The following CD1B variants were observed in gnomAD, a reference collection of about 807,000 sequenced individuals.
CD1B encodes the protein CD1b molecule, also known as T-cell surface glycoprotein CD1b.
A neutral mutation model predicts 39.8 loss-of-function variants in CD1B; 43 were observed. The observed-to-expected ratio is 1.08, with a 90% CI of 0.85 to 1.39. The LOEUF is 1.39. CD1B is among the 40% of genes most tolerant of loss of function. CD1B has a pLI of 0.00. For missense variants in CD1B, 495 were observed against 403.8 expected, an observed-to-expected ratio of 1.23 and a Z score of -1.94; for synonymous variants, 192 against 152.5, an observed-to-expected ratio of 1.26 and a Z score of -1.91.
chr1:158,288,066 A>G, the CD1B span, among the ~76,000 whole-genome samples: 1 of 152,248 alleles, frequency 6.6e-6, no homozygotes, highest in Non-Finnish European at 1.5e-5. Context: ...AAAAATGTGA[A>G]TAAACACATA....
At chr1:158,313,468 T>G in the CD1B span, among the ~76,000 whole-genome samples, 1,874 of 152,062 alleles carry the variant, frequency 0.012, 38 homozygotes, top group African/African-American at 0.04. Context: ...CCACCACCAT[T>G]TTTGGCTAAT....
At chr1:158,305,059 C>T in the CD1B span, among the ~76,000 whole-genome samples, 2 of 152,184 alleles carry the variant, frequency 1.3e-5, no homozygotes, top group African/African-American at 4.8e-5. Flanking sequence ...CGCAGCTCCT[C>T]ACCAGCAGTG....
chr1:158,307,998 G>A, the CD1B span, among the ~76,000 whole-genome samples: 36 of 152,282 alleles, frequency 2.4e-4, no homozygotes, highest in African/African-American at 8.7e-4. Context: ...AATTAGGCAG[G>A]AGAAGGAAAT....
the CD1B span, among the ~76,000 whole-genome samples, chr1:158,309,341 G>T: frequency 6.6e-6 from 1 of 152,218 alleles, no homozygotes; most frequent in Non-Finnish European, 1.5e-5. Flanking sequence ...AAGAGGTGTG[G>T]AGAGGATGTG....
the CD1B span, among the ~76,000 whole-genome samples, chr1:158,318,349 G>C: frequency 6.6e-6 from 1 of 152,186 alleles, no homozygotes; most frequent in Non-Finnish European, 1.5e-5. Flanking sequence ...GGGTGCTCCT[G>C]TATTGGGTGC....
chr1:158,322,666 T>C, the CD1B span, among the ~76,000 whole-genome samples: 1 of 152,216 alleles, frequency 6.6e-6, no homozygotes, highest in Non-Finnish European at 1.5e-5. Context: ...CTTCCTTTGT[T>C]ATTTCTTGTA....
chr1:158,329,778 C>T (rs1336861760), intron 3 of CD1B, 74 bp downstream of exon 3: 40 of 1,563,974 alleles, frequency 2.6e-5, no homozygotes, highest in Middle Eastern at 3.5e-4. Flanking sequence ...GTTATTTAAG[C>T]TCCTATCCTT....
intron 2 of CD1B, 85 bp downstream of exon 2, chr1:158,330,711 G>A: frequency 1.5e-6 from 2 of 1,314,010 alleles, no homozygotes; most frequent in Non-Finnish European, 1.1e-6. Context: ...AAGGAAGGGA[G>A]AAGCATCAGA....
chr1:158,291,648 G>T, the CD1B span, among the ~76,000 whole-genome samples: 1 of 151,980 alleles, frequency 6.6e-6, no homozygotes, highest in African/African-American at 2.4e-5. Context: ...CTACAATCCA[G>T]AGATACACAG....
the CD1B span, chr1:158,290,174 G>T: frequency 6.5e-7 from 1 of 1,543,750 alleles, no homozygotes; most frequent in Non-Finnish European, 8.9e-7. Flanking sequence ...TGGGTAGAGT[G>T]TGCTGGGCTT....
At chr1:158,292,479 G>T in the CD1B span, 2 of 1,489,540 alleles carry the variant, frequency 1.3e-6, no homozygotes, top group East Asian at 2.3e-5. Flanking sequence ...GGGTTGCTGG[G>T]TAATAGTTTC....
the CD1B span, among the ~76,000 whole-genome samples, chr1:158,303,411 A>G: frequency 6.6e-6 from 1 of 152,188 alleles, no homozygotes; most frequent in African/African-American, 2.4e-5. Flanking sequence ...ATTCAACATA[A>G]TACTGGAAGT....
the CD1B span, among the ~76,000 whole-genome samples, chr1:158,315,153 A>G: frequency 0.033 from 5,037 of 151,214 alleles, 115 homozygotes; most frequent in African/African-American, 0.12. Flanking sequence ...ATGATTTATA[A>G]TCCTTTGGGT....
At chr1:158,323,406 T>A (rs982692858), downstream of CD1B, among the ~76,000 whole-genome samples, 2 of 152,190 alleles carry the variant, frequency 1.3e-5, no homozygotes, top group Non-Finnish European at 2.9e-5. Flanking sequence ...CTCTGTGTTT[T>A]ACTGAAATTC....
At chr1:158,317,920 A>G in the CD1B span, among the ~76,000 whole-genome samples, 2 of 152,282 alleles carry the variant, frequency 1.3e-5, no homozygotes, top group South Asian at 4.1e-4. Flanking sequence ...TTCATTATGT[A>G]CCCAGTAGTC....
the CD1B span, among the ~76,000 whole-genome samples, chr1:158,311,822 T>G: frequency 1.3e-5 from 2 of 152,200 alleles, no homozygotes; most frequent in Non-Finnish European, 2.9e-5. Flanking sequence ...ATGGATTTAT[T>G]TCTGGGTTAT....
downstream of CD1B, among the ~76,000 whole-genome samples, chr1:158,325,150 T>A (rs1168452512): frequency 6.6e-6 from 1 of 152,094 alleles, no homozygotes; most frequent in African/African-American, 2.4e-5. Context: ...TTCTAAGTAA[T>A]AAGTGAAGAA....
chr1:158,299,203 A>G, the CD1B span, among the ~76,000 whole-genome samples: 1 of 152,262 alleles, frequency 6.6e-6, no homozygotes, highest in East Asian at 1.9e-4. Flanking sequence ...TATCTAGTGT[A>G]TTGGGAGTTT....
chr1:158,317,288 G>A, the CD1B span, among the ~76,000 whole-genome samples: 2 of 152,064 alleles, frequency 1.3e-5, no homozygotes, highest in African/African-American at 4.8e-5. Flanking sequence ...AATCCATCTG[G>A]TCCTGGACTC....
Sources: allele counts gnomAD v4.1 joint callset (sites outside exome capture counted in the v4.1 genomes callset), GRCh38; gene constraint gnomAD v4.1.1; transcripts MANE v1.5; gene names NCBI Gene and HGNC (gene_info 2026-07-23, HGNC 2026-07-21).